GRID1: variants seen among roughly 807,000 people sequenced by gnomAD.
The protein encoded by GRID1 is glutamate ionotropic receptor delta type subunit 1, also known as glutamate receptor ionotropic, delta-1.
GRID1 carries 28 observed loss-of-function variants against 98.0 expected under a neutral mutation model. That is an observed-to-expected ratio of 0.29 (90% CI 0.21 to 0.39). The LOEUF (loss-of-function observed/expected upper bound fraction) is 0.39. Ranked by LOEUF, GRID1 falls within the 10% of genes least tolerant of loss-of-function variation. The pLI, the probability that GRID1 is intolerant of heterozygous loss-of-function variation, is 1.00. For missense variants in GRID1, 1,111 were observed against 1,340.5 expected, an observed-to-expected ratio of 0.83 and a Z score of 2.67; for synonymous variants, 553 against 538.5, an observed-to-expected ratio of 1.03 and a Z score of -0.37.
intron 4 of GRID1, among the ~76,000 whole-genome samples, chr10:85,918,113 A>C (rs559767051): frequency 6.6e-6 from 1 of 151,362 alleles, no homozygotes; most frequent in African/African-American, 2.4e-5. Context: ...CTTGACACTC[A>C]TGTGGAAGAC....
At chr10:85,778,167 C>A (rs1426655483) in intron 8 of GRID1, among the ~76,000 whole-genome samples, 1 of 152,146 alleles carries the variant, frequency 6.6e-6, no homozygotes, top group Non-Finnish European at 1.5e-5. Flanking sequence ...AGCATTGGCA[C>A]TGGCCCTGGA....
At chr10:85,833,488 C>T (rs1444618596) in intron 8 of GRID1, among the ~76,000 whole-genome samples, 2 of 146,646 alleles carry the variant, frequency 1.4e-5, no homozygotes, top group African/African-American at 2.5e-5. Context: ...GTAGGCCAGA[C>T]ATGTGTGCTA....
intron 3 of GRID1, among the ~76,000 whole-genome samples, chr10:86,169,016 G>A (rs1333558710): frequency 1.3e-5 from 2 of 152,210 alleles, no homozygotes; most frequent in Non-Finnish European, 2.9e-5. Flanking sequence ...ACCTGCATGG[G>A]TGCACAATGC....
At chr10:85,840,828 G>A (rs1288752151) in intron 8 of GRID1, among the ~76,000 whole-genome samples, 1 of 152,048 alleles carries the variant, frequency 6.6e-6, no homozygotes, top group African/African-American at 2.4e-5. Flanking sequence ...ACTTCTCACA[G>A]AAATCAGAGA....
intron 5 of GRID1, among the ~76,000 whole-genome samples, chr10:85,908,103 C>A (rs1042760918): frequency 6.6e-6 from 1 of 152,074 alleles, no homozygotes; most frequent in Admixed American, 6.6e-5. Context: ...TGTGTGTTCC[C>A]TCTAATATCA....
At chr10:85,851,471 T>C (rs2131778443) in intron 8 of GRID1, among the ~76,000 whole-genome samples, 1 of 152,294 alleles carries the variant, frequency 6.6e-6, no homozygotes, top group African/African-American at 2.4e-5. Flanking sequence ...TGAAAGGCGA[T>C]CACCCACTCC....
chr10:86,149,598 C>T (rs1262116148), intron 3 of GRID1, among the ~76,000 whole-genome samples: 3 of 152,164 alleles, frequency 2.0e-5, no homozygotes, highest in Non-Finnish European at 4.4e-5. Context: ...GCTGGAAGAT[C>T]GAGATTAAAA....
At chr10:85,645,650 G>A (rs538475519) in intron 13 of GRID1, 32 of 152,336 alleles carry the variant, frequency 2.1e-4, no homozygotes, top group African/African-American at 6.7e-4. Flanking sequence ...GGAGAATGGT[G>A]TGCTCCATTT....
intron 8 of GRID1, among the ~76,000 whole-genome samples, chr10:85,775,414 C>G (rs564571980): frequency 2.1e-3 from 313 of 152,042 alleles, no homozygotes; most frequent in African/African-American, 6.2e-3. Flanking sequence ...CAGCATGGCA[C>G]ATGTATACAT....
intron 2 of GRID1, among the ~76,000 whole-genome samples, chr10:86,293,058 C>T (rs1847538600): frequency 6.6e-6 from 1 of 152,188 alleles, no homozygotes; most frequent in African/African-American, 2.4e-5. Context: ...AGCCTGGCAC[C>T]ATGCCCAGCC....
At chr10:86,185,949 G>A (rs1329683231) in intron 3 of GRID1, among the ~76,000 whole-genome samples, 4 of 152,190 alleles carry the variant, frequency 2.6e-5, no homozygotes, top group Non-Finnish European at 5.9e-5. Flanking sequence ...TATAAGTTTG[G>A]AAGTATTCTC....
intron 4 of GRID1, among the ~76,000 whole-genome samples, chr10:86,040,510 TAAAAAAAA>T (rs3057696): frequency 9.7e-6 from 1 of 103,284 alleles, no homozygotes; most frequent in Non-Finnish European, 1.9e-5. Context: ...ACTCATATCT[TAAAAAAAA>T]AAAAAAAAAA....
At chr10:86,009,356 T>TG in intron 4 of GRID1, among the ~76,000 whole-genome samples, 1 of 152,294 alleles carries the variant, frequency 6.6e-6, no homozygotes, top group East Asian at 1.9e-4. Flanking sequence ...TGGCAGAGGC[T>TG]GGGGGTTTAG....
intron 12 of GRID1, among the ~76,000 whole-genome samples, chr10:85,654,220 G>T (rs734502): frequency 6.6e-6 from 1 of 152,096 alleles, no homozygotes; most frequent in African/African-American, 2.4e-5. Context: ...CCTCCATGGC[G>T]TTTTCTCTCC....
intron 8 of GRID1, among the ~76,000 whole-genome samples, chr10:85,766,730 TTGTG>T (rs35691322): frequency 0.12 from 16,836 of 138,312 alleles, 1,090 homozygotes; most frequent in Middle Eastern, 0.23. Flanking sequence ...AGGCAGATGA[TTGTG>T]TGTGTGTGTG....
At chr10:86,200,271 A>C (rs1219479912) in intron 3 of GRID1, among the ~76,000 whole-genome samples, 1 of 152,114 alleles carries the variant, frequency 6.6e-6, no homozygotes, top group Admixed American at 6.5e-5. Context: ...TTATTTAAGC[A>C]CCTGCTTAAA....
At chr10:86,360,105 G>A (rs969989770) in intron 2 of GRID1, among the ~76,000 whole-genome samples, 4 of 152,140 alleles carry the variant, frequency 2.6e-5, no homozygotes, top group African/African-American at 4.8e-5. Flanking sequence ...TATCCAGGCC[G>A]AGTTTCTTGT....
intron 4 of GRID1, among the ~76,000 whole-genome samples, chr10:85,960,986 C>A (rs1162218906): frequency 6.6e-6 from 1 of 151,900 alleles, no homozygotes; most frequent in Non-Finnish European, 1.5e-5. Context: ...GTGGTAGAGT[C>A]GCACGGAGGC....
At chr10:86,352,237 G>T (rs1413760773) in intron 2 of GRID1, among the ~76,000 whole-genome samples, 1 of 152,208 alleles carries the variant, frequency 6.6e-6, no homozygotes, top group Non-Finnish European at 1.5e-5. Flanking sequence ...CTGGATTTGA[G>T]AAATTTGGGC....
Sources: gnomAD v4.1 joint callset for allele counts (sites outside exome capture counted in the v4.1 genomes callset) on GRCh38, gnomAD v4.1.1 for gene constraint, MANE v1.5 for transcripts, NCBI Gene and HGNC (gene_info 2026-07-23, HGNC 2026-07-21) for gene names.